The following ACOXL variants were observed in gnomAD, a reference collection of about 807,000 sequenced individuals.
ACOXL encodes the protein acyl-coenzyme A oxidase-like protein.
A neutral mutation model predicts 71.9 loss-of-function variants in ACOXL; 70 were observed. The ratio of observed to expected loss-of-function variants is 0.97; its 90% confidence interval spans 0.80 to 1.19. The LOEUF (loss-of-function observed/expected upper bound fraction) is 1.19, where lower values mean the gene tolerates loss of function less well. Ranked by LOEUF, ACOXL falls within the 50% of genes most tolerant of loss-of-function variation. The pLI is 0.00. For missense variants in ACOXL, 703 were observed against 736.3 expected (o/e 0.95, Z 0.52); for synonymous variants, 253 against 281.6 (o/e 0.90, Z 1.02).
chr2:110,893,220 C>A (rs2058863136), intron 10 of ACOXL, among the ~76,000 whole-genome samples: 1 of 151,770 alleles, frequency 6.6e-6, no homozygotes, highest in African/African-American at 2.4e-5. Flanking sequence ...ATATGACTAC[C>A]AATGGTTTAA....
chr2:110,872,130 G>C (rs1695351931), intron 10 of ACOXL, among the ~76,000 whole-genome samples: 1 of 152,182 alleles, frequency 6.6e-6, no homozygotes, highest in South Asian at 2.1e-4. Flanking sequence ...CTCTCTGCTG[G>C]CCTCAAACCA....
chr2:111,003,550 C>CAAAAAAAAAAAAAAAAAAA (rs548001377), intron 14 of ACOXL, among the ~76,000 whole-genome samples: 9 of 35,336 alleles, frequency 2.5e-4, no homozygotes, highest in Admixed American at 8.8e-4. Flanking sequence ...GACTCTGTCT[C>CAAAAAAAAAAAAAAAAAAA]AAAAAAAAAA....
chr2:111,067,165 A>C (rs1221615000), intron 16 of ACOXL, among the ~76,000 whole-genome samples: 2 of 152,306 alleles, frequency 1.3e-5, no homozygotes, highest in South Asian at 4.1e-4. Flanking sequence ...CTTTGCATCA[A>C]TGAGATAACA....
intron 1 of ACOXL, among the ~76,000 whole-genome samples, chr2:110,757,696 C>A (rs1432949523): frequency 6.6e-6 from 1 of 150,816 alleles, no homozygotes; most frequent in Non-Finnish European, 1.5e-5. Flanking sequence ...TGTATGTCTT[C>A]TTTTGAGAAG....
At chr2:111,042,087 T>C (rs1185007877) in intron 15 of ACOXL, among the ~76,000 whole-genome samples, 1 of 152,202 alleles carries the variant, frequency 6.6e-6, no homozygotes, top group Non-Finnish European at 1.5e-5. Context: ...TTGCAACCAG[T>C]TCTCCACATT....
At chr2:110,828,166 CT>C (rs1219434919) in intron 9 of ACOXL, among the ~76,000 whole-genome samples, 1 of 152,094 alleles carries the variant, frequency 6.6e-6, no homozygotes, top group Admixed American at 6.5e-5. Flanking sequence ...GAGACAGGGT[CT>C]TACTATGTTG....
At chr2:110,946,625 C>G (rs1409604264) in intron 12 of ACOXL, among the ~76,000 whole-genome samples, 1 of 152,150 alleles carries the variant, frequency 6.6e-6, no homozygotes, top group African/African-American at 2.4e-5. Flanking sequence ...TAGTAGAGTC[C>G]TCCTTAATGG....
At chr2:111,048,863 C>T (rs908877137) in intron 15 of ACOXL, among the ~76,000 whole-genome samples, 7 of 152,034 alleles carry the variant, frequency 4.6e-5, no homozygotes, top group Admixed American at 2.6e-4. Flanking sequence ...TTTACAAAGG[C>T]AGGTGGAGTC....
intron 12 of ACOXL, among the ~76,000 whole-genome samples, chr2:110,941,020 C>T (rs559395788): frequency 3.9e-5 from 6 of 152,176 alleles, no homozygotes; most frequent in South Asian, 2.1e-4. Flanking sequence ...ATAAAACCTG[C>T]GATAAATGAG....
intron 17 of ACOXL, chr2:111,093,699 C>G: frequency 3.3e-6 from 2 of 608,588 alleles, no homozygotes; most frequent in Non-Finnish European, 5.5e-6. Flanking sequence ...ACCCTGTCTA[C>G]TAAAATACAA....
chr2:111,016,076 G>C (rs986640191), intron 14 of ACOXL, among the ~76,000 whole-genome samples: 1 of 151,160 alleles, frequency 6.6e-6, no homozygotes, highest in African/African-American at 2.4e-5. Flanking sequence ...AGGACTATGG[G>C]CATGTCCCAC....
At chr2:110,770,671 G>GA (rs916515894) in intron 2 of ACOXL, among the ~76,000 whole-genome samples, 17 of 151,930 alleles carry the variant, frequency 1.1e-4, no homozygotes, top group South Asian at 2.1e-4. Flanking sequence ...AACCAAAAAA[G>GA]AAAAAAAACA....
chr2:110,797,431 T>C lies in ACOXL; in HGVS notation c.346-1179T>C, dbSNP rs532959274. ...CTTTTGGGAAACTTTATTATATGCATTGATCAGGGAAATAGAGAGACATTT... is the reference window on the plus strand; with the variant it reads ...CTTTTGGGAAACTTTATTATATGCACTGATCAGGGAAATAGAGAGACATTT... On this transcript the variant is annotated intron_variant, in intron 5 of 17. Transcript: ENST00000439055. Among the ~76,000 whole-genome samples, 3 of 152,300 alleles carry C rather than the reference T, an allele frequency of 2.0e-5. No individual in the cohort carries two copies. The East Asian group carries it at 5.8e-4, about 29-fold the overall frequency.
At chr2:110,876,395 G>A (rs558209486) in intron 10 of ACOXL, among the ~76,000 whole-genome samples, 2 of 152,258 alleles carry the variant, frequency 1.3e-5, no homozygotes, top group Non-Finnish European at 2.9e-5. Flanking sequence ...CCAGGGGCCG[G>A]GTCAGCAGAC....
chr2:110,969,226 G>T (rs1251882818), intron 12 of ACOXL, among the ~76,000 whole-genome samples: 1 of 152,086 alleles, frequency 6.6e-6, no homozygotes, highest in Non-Finnish European at 1.5e-5. Flanking sequence ...AAGAGGAAAG[G>T]TCTCAACTCA....
chr2:110,973,221 G>A (rs2062293021), intron 12 of ACOXL, among the ~76,000 whole-genome samples: 1 of 152,248 alleles, frequency 6.6e-6, no homozygotes, highest in South Asian at 2.1e-4. Flanking sequence ...CTGACAGTGG[G>A]AGAGAAGCCA....
rs10599265 is a variant in ACOXL, at chr2:110,769,226, A to AAAAGAAAGAAAGAAAGAAAG, written c.75+782_75+801dup. Among the ~76,000 whole-genome samples, 463 of 148,724 alleles carry AAAAGAAAGAAAGAAAGAAAG rather than the reference A, an allele frequency of 3.1e-3. 3 individuals carry two copies. The highest frequency in any genetic ancestry group is 0.011 in the African/African-American group (436 of 39,548). On this transcript the variant is annotated intron_variant, in intron 2 of 17. Transcript: ENST00000439055. ...ATTTTAGTCAATTTAGCCTCATGAA[A>AAAAGAAAGAAAGAAAGAAAG]AAAGAAAGAAAGAAAGAAAGAAAGA...
Position 110,933,655 on chromosome 2 carries a change from G to C in ACOXL, c.1059+13G>C, listed in dbSNP as rs770864286. ...CACTGGAGGCATGGTGAGCCCCAAG[G>C]CCTGCAGCCCCCGTGGGTCCCCACG... On this transcript the variant is annotated intron_variant, in intron 12 of 17. Transcript: ENST00000439055. 1.2e-6 allele frequency: 2 copies of C among 1,604,312 alleles called. No homozygotes were observed. The highest frequency in any genetic ancestry group is 2.2e-5 in the South Asian group (2 of 90,168).
intron 2 of ACOXL, among the ~76,000 whole-genome samples, chr2:110,775,799 G>T (rs1338054135): frequency 6.6e-6 from 1 of 152,208 alleles, no homozygotes; most frequent in Admixed American, 6.5e-5. Context: ...TGCATTGTCG[G>T]TGGTGATGTG....
Sources: gnomAD v4.1 joint callset for allele counts (sites outside exome capture counted in the v4.1 genomes callset) on GRCh38, gnomAD v4.1.1 for gene constraint, MANE v1.5 for transcripts, NCBI Gene and HGNC (gene_info 2026-07-23, HGNC 2026-07-21) for gene names.